Variants in ARFGAP1 observed in about 807,000 individuals in gnomAD.
ARFGAP1 encodes the protein ARF GTPase activating protein 1.
Under a neutral mutation model 54.0 loss-of-function variants are expected in ARFGAP1, and 26 were observed. The observed-to-expected ratio is 0.48, with a 90% CI of 0.35 to 0.67. The LOEUF (loss-of-function observed/expected upper bound fraction) is 0.67. ARFGAP1 is among the 30% of genes least tolerant of loss of function. ARFGAP1 has a pLI of 0.00. For missense variants in ARFGAP1, 525 were observed against 535.8 expected, an observed-to-expected ratio of 0.98 and a Z score of 0.20; for synonymous variants, 248 against 211.9, an observed-to-expected ratio of 1.17 and a Z score of -1.48.
intron 8 of ARFGAP1, 39 bp downstream of exon 8, chr20:63,281,386 G>T (rs747868230): frequency 1.3e-6 from 2 of 1,567,512 alleles, no homozygotes; most frequent in South Asian, 2.3e-5. Flanking sequence ...TCCCCACCAG[G>T]CCCTCGGGAC....
In ARFGAP1 at chr20:63,285,690, G is replaced by A. The variant is rs1568743238; in HGVS notation, c.811G>A (p.Gly271Arg). Residue 271 changes from glycine to arginine, a missense_variant, in exon 11 of 13, where the codon GGG becomes AGG. Physicochemically the swap from Gly to Arg is moderately radical, Grantham distance 125 (BLOSUM62 -2). Around this residue, in one of 3 missense-constraint regions of ARFGAP1, gnomAD observed 466 missense variants for 453.6 expected, o/e 1.03. Coordinates refer to ENST00000370283, the MANE Select transcript of ARFGAP1 (RefSeq NM_018209.4). The part of the protein sequence containing the change: ...EGKIFDDVSS[G>R]VSQLASKVQG... ...AAAGATTTTTGATGATGTCTCCAGT[G>A]GGGTCTCTCAGTTGGCGTCCAAGGT... 1 of 1,613,584 alleles carries A rather than the reference G, an allele frequency of 6.2e-7. No homozygotes were observed. Among genetic ancestry groups the A allele is most frequent in the African/African-American group, 1.3e-5 (1 of 74,940 alleles).
Position 63,282,837 on chromosome 20 carries a change from C to A in ARFGAP1, c.703C>A (p.Gln235Lys). The A allele has an allele frequency of 6.2e-7, 1 of 1,614,092 alleles. No homozygotes were observed. The highest frequency in any genetic ancestry group is 8.5e-7 in the Non-Finnish European group (1 of 1,180,016). The change falls in exon 9 of 13, where the codon CAA becomes AAA. Residue 235 changes from glutamine (Q) to lysine (K), a missense_variant. Gln to Lys is a moderately conservative substitution (Grantham distance 53). This residue lies in a region of ARFGAP1 where 466 missense variants were observed against 453.6 expected (regional missense o/e 1.03). Transcript: ENST00000370283. The part of the protein sequence containing the change: ...AKEGATKFGS[Q>K]ASQKASELGH... ...ATTTTAGGCTACAAAGTTTGGATCC[C>A]AAGCGAGTCAGAAGGTAACAGAGGA...
rs1383707692 is a variant in ARFGAP1, at chr20:63,288,747, C to T, written c.*874C>T. 1 of 348,560 alleles carries T rather than the reference C, an allele frequency of 2.9e-6. No homozygotes were observed. The highest frequency in any genetic ancestry group is 5.7e-6 in the Non-Finnish European group (1 of 175,060). 21.6% of individuals were successfully genotyped at this position (348,560 alleles called of 1,614,324 possible). ...AGCTCCAGCCCCAGGATGGGGCTGC[C>T]CTGCACACCGGTGCCCGCCACATGC... is the stretch of plus-strand genomic sequence containing the variant. On this transcript the variant is annotated 3_prime_UTR_variant, in exon 13 of 13. Transcript: ENST00000370283.
At chr20:63,284,748 G>A (rs1029761399) in intron 9 of ARFGAP1, 118 bp from the exon 10 acceptor site, 1 of 1,529,358 alleles carries the variant, frequency 6.5e-7, no homozygotes. Context: ...CTTGTATCCT[G>A]CTGCCTTCCC....
rs2067308340 is a variant in ARFGAP1, at chr20:63,278,965, C to A, written c.597C>A (p.Phe199Leu). The part of the protein sequence containing the change: ...TPPPQKKEDD[F>L]LNNAMSSLYS... ...CGCCTCAGAAGAAAGAAGATGACTT[C>A]CTCAACAACGCCATGTCCTCCCTGT... The change falls in exon 7 of 13, where the codon TTC becomes TTA. Residue 199 changes from phenylalanine (F) to leucine (L), a missense_variant. Coordinates refer to ENST00000370283, the MANE Select transcript of ARFGAP1 (RefSeq NM_018209.4). The A allele has an allele frequency of 6.2e-7, 1 of 1,613,978 alleles. No homozygotes were observed. Among genetic ancestry groups the A allele is most frequent in the African/African-American group, 1.3e-5 (1 of 74,942 alleles).
chr20:63,283,982 C>T (rs2067455774), intron 9 of ARFGAP1: 2 of 1,552,686 alleles, frequency 1.3e-6, no homozygotes, highest in South Asian at 1.2e-5. Flanking sequence ...TGTGTCACCT[C>T]ACATGTGCGC....
At position 63,276,802 on chromosome 20, in the gene ARFGAP1, C is replaced by A; in HGVS notation, c.342+151C>A. ...CCACACACAACTTGCCGCCCTGGAG[C>A]AGAGGCTTCCTGCCCAGAGGGGAGG... On this transcript the variant is annotated intron_variant, in intron 4 of 12. Coordinates refer to ENST00000370283, the MANE Select transcript of ARFGAP1 (RefSeq NM_018209.4). This position sits in a 1 kb window ranked among gnomAD's most constrained non-coding sequence, Gnocchi z 5.2. The A allele has an allele frequency of 1.1e-6, 1 of 899,756 alleles. No homozygotes were observed. The highest frequency in any genetic ancestry group is 1.6e-6 in the Non-Finnish European group (1 of 615,138). 55.7% of individuals were successfully genotyped at this position (899,756 alleles called of 1,614,324 possible).
chr20:63,282,666 T>G (rs1435039626), intron 8 of ARFGAP1, among the ~76,000 whole-genome samples, 153 bp from the exon 9 acceptor site: 1 of 152,204 alleles, frequency 6.6e-6, no homozygotes, highest in African/African-American at 2.4e-5. Context: ...GCAGCTCTTC[T>G]GGGCATCTCA....
Position 63,288,245 on chromosome 20 carries a change from G to T in ARFGAP1, c.*372G>T. ...CTCTGGGGCCTGGGACCAGCCACGT[G>T]CCGAGCTGTCAGCGACGTGAGGTGT... On this transcript the variant is annotated 3_prime_UTR_variant, in exon 13 of 13. Transcript: ENST00000370283. The T allele has an allele frequency of 1.8e-6, 1 of 540,780 alleles. No homozygotes were observed. The highest frequency in any genetic ancestry group is 3.6e-6 in the Non-Finnish European group (1 of 281,262). The allele number at this position is 540,780 out of a possible 1,614,324, so 33.5% of individuals were successfully genotyped here.
chr20:63,278,974 C>T lies in ARFGAP1; in HGVS notation c.606C>T (p.Asn202=), dbSNP rs775007952. The stretch of plus-strand genomic sequence containing the variant: ...AGAAAGAAGATGACTTCCTCAACAA[C>T]GCCATGTCCTCCCTGTACTCGGTGA... ...PQKKEDDFLN[N]AMSSLYSGWS... is the part of the protein sequence containing the mutation. Residue 202 remains asparagine (N), a synonymous_variant, in exon 7 of 13, where the codon AAC becomes AAT. Transcript: ENST00000370283. 6.4e-5 allele frequency: 103 copies of T among 1,613,922 alleles called. No homozygotes were observed. In the Middle Eastern group the frequency reaches 6.6e-4, roughly 10 times the overall value.
intron 4 of ARFGAP1, 55 bp from the exon 5 acceptor site, chr20:63,277,150 C>T (rs370557865): frequency 5.9e-6 from 9 of 1,512,986 alleles, no homozygotes; most frequent in East Asian, 4.6e-5. Flanking sequence ...CGACGGTGCC[C>T]GAGGGCATCG....
At chr20:63,277,175 GCT>G in intron 4 of ARFGAP1, 28 bp from the exon 5 acceptor site, 1 of 1,598,268 alleles carries the variant, frequency 6.3e-7, no homozygotes, top group Non-Finnish European at 8.5e-7. Flanking sequence ...GCGCCTTTAT[GCT>G]CTCGAATGCC....
At chr20:63,280,681 T>C (rs958299079) in intron 7 of ARFGAP1, among the ~76,000 whole-genome samples, 2 of 152,238 alleles carry the variant, frequency 1.3e-5, no homozygotes, top group African/African-American at 2.4e-5. Flanking sequence ...TTTTCCAGCC[T>C]GTGTGTGGGC....
rs764050774 is a variant in ARFGAP1 at position 63,283,595 on chromosome 20, C to G, written c.717+744C>G. On this transcript the variant is annotated intron_variant, in intron 9 of 12. Transcript: ENST00000370283. Reference sequence around the variant, plus strand: ...TGAGGGAGTCTCCCCACGTGCCCACCCCCAGCTGCAGGGACGCCCATCTGG... The same window carrying G: ...TGAGGGAGTCTCCCCACGTGCCCACGCCCAGCTGCAGGGACGCCCATCTGG... 6.0e-6 allele frequency: 3 copies of G among 502,578 alleles called. No homozygotes were observed. In the South Asian group the frequency reaches 9.1e-5, roughly 15 times the overall value. 31.1% of individuals were successfully genotyped at this position (502,578 alleles called of 1,614,324 possible). A position where few individuals can be genotyped will look rare whatever the true frequency, so the allele number is the denominator to read the frequency against.
intron 9 of ARFGAP1, chr20:63,284,061 G>A: frequency 7.0e-7 from 1 of 1,421,106 alleles, no homozygotes; most frequent in Non-Finnish European, 9.2e-7. Flanking sequence ...CATCAGGCTT[G>A]GCTGTGTGTG....
intron 6 of ARFGAP1, chr20:63,278,531 G>A: frequency 2.2e-6 from 1 of 459,454 alleles, no homozygotes; most frequent in Non-Finnish European, 4.0e-6. Flanking sequence ...GGGGGTCTTG[G>A]GTGTAGAGAA....
In ARFGAP1 at chr20:63,289,017, C is replaced by T. The variant is rs1451665771; in HGVS notation, c.*1144C>T. ...TGGAGCAGCCTGGGCCCTTCAGCCC[C>T]TGTGCTCGTCCCACCCTAGGGACTC... On this transcript the variant is annotated 3_prime_UTR_variant, in exon 13 of 13. Transcript: ENST00000370283. The T allele has an allele frequency of 1.1e-5, 2 of 179,166 alleles. No individual in the cohort carries two copies. Among genetic ancestry groups the T allele is most frequent in the Non-Finnish European group, 2.4e-5 (2 of 82,738 alleles). 11.1% of individuals were successfully genotyped at this position (179,166 alleles called of 1,614,324 possible).
At chr20:63,280,836 G>A (rs1396129480) in intron 7 of ARFGAP1, among the ~76,000 whole-genome samples, 6 of 152,318 alleles carry the variant, frequency 3.9e-5, no homozygotes, top group East Asian at 3.9e-4. Flanking sequence ...GAAATGAGAC[G>A]TTTATTTTTT....
chr20:63,272,840 C>CG lies in ARFGAP1; in HGVS notation c.-82dup, dbSNP rs2067137594. On this transcript the variant is annotated 5_prime_UTR_variant, in exon 1 of 13. Coordinates refer to ENST00000370283, the MANE Select transcript of ARFGAP1 (RefSeq NM_018209.4). Reference sequence around the variant, plus strand: ...AAGCTGGTGGCGGCTGGTGGGCGACCGGGCGCATCCTCATTGCAGTGCGGC... The same window carrying CG: ...AAGCTGGTGGCGGCTGGTGGGCGACCGGGGCGCATCCTCATTGCAGTGCGGC... The CG allele has an allele frequency of 6.6e-6, 1 of 152,336 alleles. No homozygotes were observed. The highest frequency in any genetic ancestry group is 1.5e-5 in the Non-Finnish European group (1 of 68,136). The allele number at this position is 152,336 out of a possible 1,614,324, so 9.4% of individuals were successfully genotyped here. A position where few individuals can be genotyped will look rare whatever the true frequency, so the allele number is the denominator to read the frequency against.
Sources: allele counts gnomAD v4.1 joint callset (sites outside exome capture counted in the v4.1 genomes callset), GRCh38; gene constraint gnomAD v4.1.1; regional missense constraint gnomAD v4.1.1; non-coding constraint Gnocchi (gnomAD v3.1); transcripts MANE v1.5; gene names NCBI Gene and HGNC (gene_info 2026-07-23, HGNC 2026-07-21).